LIMCH1: variants seen among roughly 807,000 people sequenced by gnomAD.
LIMCH1 encodes LIM and calponin homology domains 1.
In LIMCH1, 113 loss-of-function variants were observed where a neutral mutation model predicts 176.5. That is an observed-to-expected ratio of 0.64 (90% CI 0.55 to 0.75). The LOEUF is 0.75. Ranked by LOEUF, LIMCH1 falls within the 30% of genes least tolerant of loss-of-function variation. The pLI, the probability that LIMCH1 is intolerant of heterozygous loss-of-function variation, is 0.00. For synonymous variants in LIMCH1, 619 were observed against 645.9 expected, an observed-to-expected ratio of 0.96 and a Z score of 0.63; for missense variants, 1,674 against 1,814.9, an observed-to-expected ratio of 0.92 and a Z score of 1.41.
chr4:41,445,197 A>G (rs2063159381), intron 1 of LIMCH1, among the ~76,000 whole-genome samples: 1 of 151,994 alleles, frequency 6.6e-6, no homozygotes, highest in African/African-American at 2.4e-5. Flanking sequence ...GTAGAAACAG[A>G]GTTTCACCAT....
intron 2 of LIMCH1, among the ~76,000 whole-genome samples, chr4:41,602,733 A>G (rs7698557): frequency 0.3 from 45,892 of 151,498 alleles, 10,396 homozygotes; most frequent in African/African-American, 0.64. Flanking sequence ...GCTTGAACCT[A>G]GGAGGTGTAG....
At chr4:41,422,694 T>C (rs2060716752) in intron 1 of LIMCH1, among the ~76,000 whole-genome samples, 1 of 152,208 alleles carries the variant, frequency 6.6e-6, no homozygotes, top group African/African-American at 2.4e-5. Context: ...TTAGCTTGTG[T>C]GGCCAGATTG....
At chr4:41,408,829 G>A (rs975212439) in intron 1 of LIMCH1, among the ~76,000 whole-genome samples, 3 of 152,190 alleles carry the variant, frequency 2.0e-5, no homozygotes, top group African/African-American at 7.2e-5. Flanking sequence ...GCTTCCAAGA[G>A]GGGACAACTA....
chr4:41,530,148 T>A (rs77716219), intron 3 of LIMCH1, among the ~76,000 whole-genome samples: 1 of 152,126 alleles, frequency 6.6e-6, no homozygotes, highest in Non-Finnish European at 1.5e-5. Context: ...GTAGGGGAAG[T>A]GATGAAAGAG....
At chr4:41,648,809 C>A (rs911818082) in intron 17 of LIMCH1, among the ~76,000 whole-genome samples, 2 of 151,030 alleles carry the variant, frequency 1.3e-5, no homozygotes, top group Non-Finnish European at 2.9e-5. Flanking sequence ...GTTTTTCAAA[C>A]TGAAAGTTAC....
At chr4:41,383,029 G>A (rs1195614312) in intron 1 of LIMCH1, among the ~76,000 whole-genome samples, 3 of 152,176 alleles carry the variant, frequency 2.0e-5, no homozygotes, top group South Asian at 2.1e-4. Context: ...GGGCTCAATC[G>A]ATTCACCTGC....
chr4:41,512,533 A>G (rs2075052108), intron 2 of LIMCH1, among the ~76,000 whole-genome samples: 1 of 152,246 alleles, frequency 6.6e-6, no homozygotes, highest in Admixed American at 6.5e-5. Context: ...GGATAGATCA[A>G]ATGTGGTATA....
intron 2 of LIMCH1, among the ~76,000 whole-genome samples, chr4:41,601,540 G>A (rs900917656): frequency 2.0e-5 from 3 of 152,194 alleles, no homozygotes; most frequent in African/African-American, 7.2e-5. Context: ...AGTAACTGGT[G>A]TGGTTGAAGG....
chr4:41,586,065 C>T (rs1435633319), intron 1 of LIMCH1, among the ~76,000 whole-genome samples: 2 of 140,684 alleles, frequency 1.4e-5, no homozygotes, highest in African/African-American at 5.4e-5. Flanking sequence ...CCCTCCCCTC[C>T]CCTCCGCTCC....
intron 3 of LIMCH1, among the ~76,000 whole-genome samples, chr4:41,526,869 C>T (rs1444804718): frequency 6.6e-6 from 1 of 152,232 alleles, no homozygotes; most frequent in Non-Finnish European, 1.5e-5. Flanking sequence ...TACTTGTCTG[C>T]ATTTCCTTGG....
intron 7 of LIMCH1, among the ~76,000 whole-genome samples, chr4:41,624,020 TG>T (rs2152836391): frequency 6.6e-6 from 1 of 152,292 alleles, no homozygotes; most frequent in South Asian, 2.1e-4. Context: ...CCCCCAAATA[TG>T]AGAGTCTGCC....
chr4:41,563,403 A>G (rs551289103), intron 1 of LIMCH1, among the ~76,000 whole-genome samples: 1 of 152,324 alleles, frequency 6.6e-6, no homozygotes, highest in Non-Finnish European at 1.5e-5. Flanking sequence ...TCTGGAGCAT[A>G]GATAATCAGA....
At position 41,454,619 on chromosome 4, in the gene LIMCH1, A is replaced by G. The variant is rs1284352430; in HGVS notation, c.97-39917A>G. Among the ~76,000 whole-genome samples, 5 of 152,204 alleles carry G rather than the reference A, an allele frequency of 3.3e-5. No homozygotes were observed. The East Asian group carries it at 5.8e-4, about 18-fold the overall frequency. The stretch of plus-strand genomic sequence containing the variant: ...TGGGAGAAATCTGTAGCATTCAAAC[A>G]GTCCCCTGAGTATGTGTCAAAGTAG... On this transcript the variant is annotated intron_variant, in intron 1 of 26. Transcript: ENST00000313860.
At chr4:41,569,455 C>T (rs1360686287) in intron 1 of LIMCH1, among the ~76,000 whole-genome samples, 2 of 152,064 alleles carry the variant, frequency 1.3e-5, no homozygotes, top group African/African-American at 2.4e-5. Flanking sequence ...CTCAGATACC[C>T]CATGAGCAAG....
At chr4:41,501,541 GC>G (rs1488176663) in intron 2 of LIMCH1, among the ~76,000 whole-genome samples, 1 of 152,178 alleles carries the variant, frequency 6.6e-6, no homozygotes, top group African/African-American at 2.4e-5. Context: ...AGGTATTCCA[GC>G]CCTTCTTTTG....
At chr4:41,461,124 A>G (rs2065313026) in intron 1 of LIMCH1, among the ~76,000 whole-genome samples, 1 of 152,182 alleles carries the variant, frequency 6.6e-6, no homozygotes, top group African/African-American at 2.4e-5. Context: ...CTAAGCACCT[A>G]TTAATTTGTT....
intron 2 of LIMCH1, among the ~76,000 whole-genome samples, chr4:41,500,579 A>G (rs534381628): frequency 2.0e-5 from 3 of 152,364 alleles, no homozygotes; most frequent in African/African-American, 7.2e-5. Context: ...TCATATAGGT[A>G]GATGGTTCAT....
chr4:41,682,205 T>C, intron 25 of LIMCH1, 128 bp from the exon 26 acceptor site: 4 of 609,622 alleles, frequency 6.6e-6, no homozygotes, highest in Non-Finnish European at 8.1e-6. Context: ...TTCAGTTAAT[T>C]TGGACAACTG....
intron 3 of LIMCH1, among the ~76,000 whole-genome samples, chr4:41,526,065 A>G (rs1428661626): frequency 6.6e-6 from 1 of 152,122 alleles, no homozygotes; most frequent in African/African-American, 2.4e-5. Flanking sequence ...GGGCACATGC[A>G]TTTGTCTTTA....
Sources: gnomAD v4.1 joint callset for allele counts (sites outside exome capture counted in the v4.1 genomes callset) on GRCh38, gnomAD v4.1.1 for gene constraint, MANE v1.5 for transcripts, NCBI Gene and HGNC (gene_info 2026-07-23, HGNC 2026-07-21) for gene names.